MVB12A: variants seen among roughly 807,000 people sequenced by gnomAD.
The protein encoded by MVB12A is CIN85/CD2AP family binding protein.
MVB12A carries 30 observed loss-of-function variants against 34.3 expected under a neutral mutation model. The ratio of observed to expected loss-of-function variants is 0.88; its 90% CI spans 0.65 to 1.19. MVB12A has a LOEUF of 1.19. Among genes scored for constraint, MVB12A ranks in the 50% most tolerant of loss-of-function variants. The pLI, the probability that MVB12A is intolerant of heterozygous loss-of-function variation, is 0.00. For missense variants in MVB12A, 355 were observed against 369.2 expected (o/e 0.96, Z 0.31); for synonymous variants, 158 against 158.9 (o/e 0.99, Z 0.04).
chr19:17,422,688 C>T (rs1479087052), intron 4 of MVB12A: 12 of 284,648 alleles, frequency 4.2e-5, no homozygotes, highest in South Asian at 3.4e-4. Context: ...CGGTGGCTCA[C>T]GCCTGTAATC....
At position 17,408,829 on chromosome 19, in the gene MVB12A, C is replaced by CTTTTTTT. The variant is rs60162893; in HGVS notation, c.-5+2545_-5+2551dup. 5.0e-5 allele frequency among the ~76,000 whole-genome samples: 6 copies of CTTTTTTT among 120,704 alleles called. 1 individual carries two copies. Among genetic ancestry groups the CTTTTTTT allele is most frequent in the Admixed American group, 1.0e-4 (1 of 10,040 alleles). The allele number at this position is 120,704 out of a possible 152,430, so 79.2% of individuals were successfully genotyped here. ...AAAGTAATTGCGGTTTCTGCCATTACTTTTTTTTTTTTTTTTTTGAGAGGG... is the reference window on the plus strand; with the variant it reads ...AAAGTAATTGCGGTTTCTGCCATTACTTTTTTTTTTTTTTTTTTTTTTTTTGAGAGGG... On this transcript the variant is annotated intron_variant, in intron 2 of 6. Transcript: ENST00000528604.
In MVB12A at chr19:17,424,991, T is replaced by C. The variant is rs745305870; in HGVS notation, c.820T>C (p.Ter274GlnextTer?). 6.9e-6 allele frequency: 11 copies of C among 1,604,224 alleles called. No individual in the cohort carries two copies. The highest frequency in any genetic ancestry group is 3.3e-5 in the South Asian group (3 of 90,296). ...AAARLPPSVS[*>Q] ...TGCCCGCCTGCCCCCCAGCGTCTCA[T>C]AGTCCCTCACCCTTCCGCGGAAAGA... Residue 274 changes from the stop codon to glutamine, a stop_lost, in exon 9 of 9, where the codon TAG becomes CAG. Coordinates refer to ENST00000317040, the MANE Select transcript of MVB12A (RefSeq NM_138401.4).
intron 7 of MVB12A, among the ~76,000 whole-genome samples, chr19:17,424,296 G>C (rs1041325627): frequency 2.6e-5 from 4 of 152,252 alleles, no homozygotes; most frequent in Middle Eastern, 3.4e-3. Flanking sequence ...AGAAGGGGGA[G>C]GGATGCTGGG....
upstream of MVB12A, chr19:17,420,021 C>CCAT: frequency 2.3e-6 from 1 of 439,938 alleles, no homozygotes; most frequent in Non-Finnish European, 3.5e-6. Flanking sequence ...CTCCGCCCCC[C>CCAT]CCCCCCGCAT....
chr19:17,415,432 G>A (rs1415430627), upstream of MVB12A: 2 of 152,214 alleles, frequency 1.3e-5, no homozygotes, highest in Non-Finnish European at 2.9e-5. Context: ...ACAACATAAA[G>A]CCTTGAGTCT....
chr19:17,407,733 A>C (rs1041116118), intron 2 of MVB12A, among the ~76,000 whole-genome samples: 4 of 152,154 alleles, frequency 2.6e-5, no homozygotes, highest in African/African-American at 9.7e-5. Flanking sequence ...CTGCCAGATA[A>C]CCGCGGGCGA....
chr19:17,423,465 C>T (rs745847287), intron 4 of MVB12A, 33 bp from the exon 5 acceptor site: 5 of 1,605,336 alleles, frequency 3.1e-6, no homozygotes, highest in Non-Finnish European at 4.3e-6. Context: ...CCACACCGGG[C>T]CAGCATCCCT....
At chr19:17,423,315 C>T (rs546381749) in intron 4 of MVB12A, among the ~76,000 whole-genome samples, 183 bp from the exon 5 acceptor site, 80 of 149,928 alleles carry the variant, frequency 5.3e-4, no homozygotes, top group African/African-American at 9.6e-4. Flanking sequence ...GTCTAGATTG[C>T]GCCATTGCAC....
rs552367043 is a variant in MVB12A at position 17,423,469 on chromosome 19, C to A, written c.414-29C>A. On this transcript the variant is annotated intron_variant, in intron 4 of 8. Transcript: ENST00000317040. ...CAACCCTGGCCCCACACCGGGCCAGCATCCCTCCCACCTTCCCTCCTGGTC... is the reference window on the plus strand; with the variant it reads ...CAACCCTGGCCCCACACCGGGCCAGAATCCCTCCCACCTTCCCTCCTGGTC... 3.7e-6 allele frequency: 6 copies of A among 1,606,576 alleles called. No individual in the cohort carries two copies. In the East Asian group the frequency reaches 1.3e-4, roughly 36 times the overall value.
intron 3 of MVB12A, chr19:17,421,022 T>A (rs2145761668): frequency 2.1e-6 from 1 of 469,798 alleles, no homozygotes; most frequent in East Asian, 6.6e-5. Context: ...TAGCTCATTC[T>A]CCGTCCTCCG....
At chr19:17,409,661 G>C (rs1029585804) in intron 2 of MVB12A, among the ~76,000 whole-genome samples, 2 of 150,666 alleles carry the variant, frequency 1.3e-5, no homozygotes, top group Non-Finnish European at 3.0e-5. Flanking sequence ...ATGTTGGCCA[G>C]GCTGGTCTCA....
rs1417180260 is a variant in MVB12A at position 17,410,531 on chromosome 19, C to T, written c.-5+4235C>T. ...ATATATATATATATATATATATATA[C>T]ACACACACATATATATATACACACA... On this transcript the variant is annotated intron_variant, in intron 2 of 6. Coordinates refer to the MVB12A transcript ENST00000528604. Among the ~76,000 whole-genome samples, 219 of 49,568 alleles carry T rather than the reference C, an allele frequency of 4.4e-3. 2 individuals carry two copies. The highest frequency in any genetic ancestry group is 0.016 in the African/African-American group (160 of 10,282). 32.5% of individuals were successfully genotyped at this position (49,568 alleles called of 152,430 possible).
At chr19:17,410,575 T>TATACAC (rs1388013163) in intron 2 of MVB12A, among the ~76,000 whole-genome samples, 2,131 of 120,006 alleles carry the variant, frequency 0.018, 37 homozygotes, top group African/African-American at 0.056. Context: ...TACATATATA[T>TATACAC]ACATATATAT....
intron 2 of MVB12A, among the ~76,000 whole-genome samples, chr19:17,408,538 C>T (rs1011810583): frequency 6.6e-5 from 10 of 150,518 alleles, no homozygotes; most frequent in African/African-American, 1.9e-4. Context: ...CCTCTGCCTC[C>T]GGAGTTCAAG....
At chr19:17,422,270 T>A in intron 3 of MVB12A, 62 bp from the exon 4 acceptor site, 1 of 1,548,748 alleles carries the variant, frequency 6.5e-7, no homozygotes, top group Non-Finnish European at 8.8e-7. Flanking sequence ...CCTAGAGTCA[T>A]CTTTGGGCCT....
intron 2 of MVB12A, among the ~76,000 whole-genome samples, chr19:17,408,829 CTTTTT>C (rs60162893): frequency 1.7e-5 from 2 of 120,706 alleles, no homozygotes; most frequent in Admixed American, 1.0e-4. Flanking sequence ...TCTGCCATTA[CTTTTT>C]TTTTTTTTTT....
chr19:17,417,817 G>A (rs2074810814), upstream of MVB12A: 1 of 298,746 alleles, frequency 3.3e-6, no homozygotes, highest in Non-Finnish European at 6.9e-6. Context: ...CTCTTTCACT[G>A]ACACTGTCTT....
Position 17,425,049 on chromosome 19 carries a change from G to A in MVB12A, c.*56G>A. 1.1e-6 allele frequency: 1 copy of A among 912,042 alleles called. No homozygotes were observed. Among genetic ancestry groups the A allele is most frequent in the South Asian group, 1.5e-5 (1 of 65,060 alleles). 56.5% of individuals were successfully genotyped at this position (912,042 alleles called of 1,614,324 possible). ...TACTCCACCTCCCCGCCAGCCTGGGGCCACCCCCCCTCACTGCATCCTGGG... is the reference window on the plus strand; with the variant it reads ...TACTCCACCTCCCCGCCAGCCTGGGACCACCCCCCCTCACTGCATCCTGGG... On this transcript the variant is annotated 3_prime_UTR_variant, in exon 9 of 9. Transcript: ENST00000317040.
intron 3 of MVB12A, 122 bp from the exon 4 acceptor site, chr19:17,422,210 C>G: frequency 2.4e-6 from 2 of 834,216 alleles, no homozygotes; most frequent in East Asian, 5.2e-5. Context: ...CACCCCCATC[C>G]CCAATGTTGT....
Sources: gnomAD v4.1 joint callset for allele counts (sites outside exome capture counted in the v4.1 genomes callset) on GRCh38, gnomAD v4.1.1 for gene constraint, MANE v1.5 for transcripts, NCBI Gene and HGNC (gene_info 2026-07-23, HGNC 2026-07-21) for gene names.